EYS: variants seen among roughly 807,000 people sequenced by gnomAD.
The protein encoded by EYS is EGF-like photoreceptor maintenance factor.
EYS carries 250 observed loss-of-function variants against 282.1 expected under a neutral mutation model. That is an observed-to-expected ratio of 0.89 (90% CI 0.80 to 0.98). The LOEUF is 0.98. Ranked by LOEUF, EYS falls within the 50% of genes least tolerant of loss-of-function variation. The pLI is 0.00. For synonymous variants in EYS, 1,355 were observed against 1,282.9 expected (o/e 1.06, Z -1.20); for missense variants, 4,016 against 3,709.0 (o/e 1.08, Z -2.15).
intron 35 of EYS, among the ~76,000 whole-genome samples, chr6:63,911,162 C>G (rs1562092390): frequency 6.7e-6 from 1 of 150,046 alleles, no homozygotes; most frequent in African/African-American, 2.4e-5. Context: ...CATTTGCACA[C>G]ATTTCAATTG....
At chr6:64,341,882 A>G (rs1333923356) in intron 29 of EYS, among the ~76,000 whole-genome samples, 3 of 151,668 alleles carry the variant, frequency 2.0e-5, no homozygotes, top group Non-Finnish European at 4.4e-5. Context: ...TAAGAAAAGC[A>G]AAATGAATAA....
chr6:63,929,065 G>T (rs1764809580), intron 35 of EYS, among the ~76,000 whole-genome samples: 1 of 152,204 alleles, frequency 6.6e-6, no homozygotes, highest in South Asian at 2.1e-4. Flanking sequence ...ACATTGCCTG[G>T]ATTTATCTAG....
At chr6:65,584,339 T>C (rs1764968823) in intron 2 of EYS, among the ~76,000 whole-genome samples, 1 of 151,954 alleles carries the variant, frequency 6.6e-6, no homozygotes, top group South Asian at 2.1e-4. Flanking sequence ...CTAGGTAAAA[T>C]GGAACAGGAG....
At chr6:65,586,006 T>C (rs1249710706) in intron 2 of EYS, among the ~76,000 whole-genome samples, 1 of 151,910 alleles carries the variant, frequency 6.6e-6, no homozygotes, top group African/African-American at 2.4e-5. Flanking sequence ...AGGAGGAAAA[T>C]CAATATTTAA....
At chr6:64,161,355 AC>A (rs750544699) in intron 31 of EYS, among the ~76,000 whole-genome samples, 40 of 152,280 alleles carry the variant, frequency 2.6e-4, no homozygotes, top group Non-Finnish European at 5.1e-4. Context: ...GGCATGCCAG[AC>A]CCAAGGGGAA....
chr6:65,495,457 A>T lies in EYS; in HGVS notation c.-47T>A. 1 of 1,593,562 alleles carries T rather than the reference A, an allele frequency of 6.3e-7. No homozygotes were observed. Among genetic ancestry groups the T allele is most frequent in the Non-Finnish European group, 8.5e-7 (1 of 1,173,414 alleles). ...AGTTTATCATAAAGAATTGCTGCAA[A>T]ATGGTGTTTTAAGTATTACCGGAAA... On this transcript the variant is annotated 5_prime_UTR_variant, in exon 4 of 43. Coordinates refer to ENST00000503581, the MANE Select transcript of EYS (RefSeq NM_001142800.2).
chr6:64,079,945 C>T (rs1183594739), intron 32 of EYS, among the ~76,000 whole-genome samples: 1 of 152,196 alleles, frequency 6.6e-6, no homozygotes. Flanking sequence ...ATATGTGCCA[C>T]ATTTTCTTAA....
intron 1 of EYS, among the ~76,000 whole-genome samples, chr6:65,681,382 C>T (rs538845319): frequency 6.6e-6 from 1 of 151,784 alleles, no homozygotes; most frequent in Non-Finnish European, 1.5e-5. Context: ...GGGTCAAAGA[C>T]CAAATGTATA....
At chr6:64,438,840 G>C (rs1774836260) in intron 27 of EYS, among the ~76,000 whole-genome samples, 10 of 151,450 alleles carry the variant, frequency 6.6e-5, no homozygotes. Context: ...AAAAAATAGA[G>C]ACCTTTTGAG....
At chr6:63,869,457 A>G (rs1451964419) in intron 35 of EYS, among the ~76,000 whole-genome samples, 1 of 152,166 alleles carries the variant, frequency 6.6e-6, no homozygotes, top group Non-Finnish European at 1.5e-5. Context: ...CTTCCCCAGC[A>G]AGTGCATCAG....
chr6:65,492,349 A>G (rs1766080084), intron 4 of EYS, among the ~76,000 whole-genome samples: 1 of 151,922 alleles, frequency 6.6e-6, no homozygotes, highest in Admixed American at 6.6e-5. Flanking sequence ...ACAAACAAAG[A>G]GAAAGAAAGA....
intron 29 of EYS, among the ~76,000 whole-genome samples, chr6:64,318,198 C>A (rs7771804): frequency 0.72 from 108,919 of 151,800 alleles, 39,275 homozygotes; most frequent in African/African-American, 0.79. Flanking sequence ...CAGAATTCTC[C>A]CTTTTTTCAT....
At chr6:65,436,306 C>A (rs1290863722) in intron 5 of EYS, among the ~76,000 whole-genome samples, 1 of 151,966 alleles carries the variant, frequency 6.6e-6, no homozygotes, top group Non-Finnish European at 1.5e-5. Context: ...TTACTAACAA[C>A]CAACAACAGA....
chr6:64,203,685 T>A (rs966706216), intron 31 of EYS, among the ~76,000 whole-genome samples: 5 of 152,110 alleles, frequency 3.3e-5, no homozygotes, highest in Non-Finnish European at 7.4e-5. Flanking sequence ...ATAAAAAGAT[T>A]GTATGTTAAA....
At chr6:64,569,604 G>C in intron 26 of EYS, among the ~76,000 whole-genome samples, 1 of 152,022 alleles carries the variant, frequency 6.6e-6, no homozygotes, top group Non-Finnish European at 1.5e-5. Context: ...AGCCAGGCGT[G>C]GTGGTGGGAA....
At chr6:64,317,894 T>C (rs1162384374) in intron 29 of EYS, among the ~76,000 whole-genome samples, 1 of 152,078 alleles carries the variant, frequency 6.6e-6, no homozygotes, top group African/African-American at 2.4e-5. Context: ...TGGATGAAGC[T>C]GGAAACTATC....
chr6:65,168,903 G>A (rs1765039155), intron 12 of EYS, among the ~76,000 whole-genome samples: 1 of 151,112 alleles, frequency 6.6e-6, no homozygotes, highest in African/African-American at 2.4e-5. Flanking sequence ...AGAGATCATG[G>A]CTGATATCTC....
intron 31 of EYS, among the ~76,000 whole-genome samples, chr6:64,227,655 G>T (rs1766290578): frequency 6.6e-6 from 1 of 152,014 alleles, no homozygotes; most frequent in Non-Finnish European, 1.5e-5. Flanking sequence ...GAAATAAGAT[G>T]TATGAAGCAC....
chr6:64,396,995 T>A (rs1032472938), intron 28 of EYS, among the ~76,000 whole-genome samples: 43 of 152,094 alleles, frequency 2.8e-4, no homozygotes, highest in Admixed American at 2.6e-4. Flanking sequence ...TGTGTCAATA[T>A]TACACTGCCT....
Sources: gnomAD v4.1 joint callset for allele counts (sites outside exome capture counted in the v4.1 genomes callset) on GRCh38, gnomAD v4.1.1 for gene constraint, MANE v1.5 for transcripts, NCBI Gene and HGNC (gene_info 2026-07-23, HGNC 2026-07-21) for gene names.